Variants in NEK3 observed in about 807,000 individuals in gnomAD.
NEK3 encodes serine/threonine-protein kinase Nek3.
A neutral mutation model predicts 66.0 loss-of-function variants in NEK3; 54 were observed. The ratio of observed to expected loss-of-function variants is 0.82; its 90% CI spans 0.66 to 1.03. NEK3 has a LOEUF of 1.03. NEK3 is among the 50% of genes least tolerant of loss of function. The probability of loss-of-function intolerance (pLI) is 0.00; values close to 1 mark genes in which losing one functional copy is unlikely to be tolerated. For missense variants in NEK3, 593 were observed against 603.0 expected, an observed-to-expected ratio of 0.98 and a Z score of 0.17; for synonymous variants, 200 against 206.2, an observed-to-expected ratio of 0.97 and a Z score of 0.26.
In NEK3 at chr13:52,133,202, G is replaced by T; in HGVS notation, c.1461C>A (p.Asn487Lys). 2 of 1,609,134 alleles carry T rather than the reference G, an allele frequency of 1.2e-6. No individual in the cohort carries two copies. Among genetic ancestry groups the T allele is most frequent in the East Asian group, 4.5e-5 (2 of 44,798 alleles). The change falls in exon 16 of 16, where the codon AAC becomes AAA. Residue 487 changes from asparagine (N) to lysine (K), a missense_variant. Transcript: ENST00000610828. ...TCTTCAGCTCTGACACCCAGTCGGG[G>T]TTGTCATCTTCCTCCTCAAAGTCCC... ...EDTDFEEEDDNPDWVSELKKR... is the reference protein window; with the variant it reads ...EDTDFEEEDDKPDWVSELKKR...
chr13:52,144,866 A>G lies in NEK3; in HGVS notation c.629T>C (p.Leu210Pro). The G allele has an allele frequency of 6.2e-7, 1 of 1,607,510 alleles. No homozygotes were observed. Among genetic ancestry groups the G allele is most frequent in the Non-Finnish European group, 8.5e-7 (1 of 1,176,656 alleles). ...GCACCCTTGACATACTTTGAGGATA[A>G]GATTTTTCCAACTATTTGCCTGAAA... ...HPFQANSWKN[L>P]ILKVCQGCIS... Residue 210 changes from leucine to proline, a missense_variant, in exon 9 of 16, where the codon CTT becomes CCT. Physicochemically the swap from Leu to Pro is moderately conservative, Grantham distance 98. Coordinates refer to ENST00000610828, the MANE Select transcript of NEK3 (RefSeq NM_002498.3).
At chr13:52,143,713 T>C (rs993843808) in intron 10 of NEK3, among the ~76,000 whole-genome samples, 5 of 152,202 alleles carry the variant, frequency 3.3e-5, no homozygotes, top group Non-Finnish European at 5.9e-5. Flanking sequence ...TATCCAAAAC[T>C]AGGCTTTTTT....
At chr13:52,152,743 G>T in intron 4 of NEK3, 51 bp from the exon 5 acceptor site, 3 of 1,175,630 alleles carry the variant, frequency 2.6e-6, no homozygotes, top group Non-Finnish European at 3.8e-6. Context: ...ACTGGCTCAT[G>T]TTAACCTACA....
At chr13:52,152,929 G>C (rs1171839080) in intron 4 of NEK3, among the ~76,000 whole-genome samples, 1 of 152,010 alleles carries the variant, frequency 6.6e-6, no homozygotes, top group Non-Finnish European at 1.5e-5. Context: ...ATTTATTTTA[G>C]TAAAACTTCT....
rs1253525637 is a variant in NEK3, at chr13:52,147,051, T to C, written c.603+1364A>G. On this transcript the variant is annotated intron_variant, in intron 8 of 15. Coordinates refer to ENST00000610828, the MANE Select transcript of NEK3 (RefSeq NM_002498.3). ...ATGGCTGAACAAGCGGGACAAGTTA[T>C]TTAACCTTTTTTTGTTCATATTTTT... 3.3e-5 allele frequency among the ~76,000 whole-genome samples: 5 copies of C among 152,224 alleles called. No homozygotes were observed. In the East Asian group the frequency reaches 9.6e-4, roughly 29 times the overall value.
chr13:52,155,443 G>A (rs558492159), intron 2 of NEK3, among the ~76,000 whole-genome samples: 1 of 152,232 alleles, frequency 6.6e-6, no homozygotes, highest in African/African-American at 2.4e-5. Context: ...TTGCACCTGA[G>A]TTGCTCTGGC....
intron 13 of NEK3, 104 bp from the exon 14 acceptor site, chr13:52,135,967 A>T: frequency 6.7e-7 from 1 of 1,498,568 alleles, no homozygotes; most frequent in Non-Finnish European, 9.1e-7. Context: ...TTGACTGTTA[A>T]CTAAAATCTG....
rs149127324 is a variant in NEK3, at chr13:52,133,058, C to A, written c.*84G>T. 4.7e-5 allele frequency: 49 copies of A among 1,051,724 alleles called. No homozygotes were observed. In the Middle Eastern group the frequency reaches 6.0e-4, roughly 13 times the overall value. 65.1% of individuals were successfully genotyped at this position (1,051,724 alleles called of 1,614,324 possible). A position where few individuals can be genotyped will look rare whatever the true frequency, so the allele number is the denominator to read the frequency against. ...CATTCTGTTTCCAAAGGAAAATATA[C>A]GTCGCATGAACTCATGATCATCTCA... On this transcript the variant is annotated 3_prime_UTR_variant, in exon 16 of 16. Transcript: ENST00000610828.
At position 52,144,673 on chromosome 13, in the gene NEK3, A is replaced by C; in HGVS notation, c.804+18T>G. 6.2e-7 allele frequency: 1 copy of C among 1,610,238 alleles called. No individual in the cohort carries two copies. Among genetic ancestry groups the C allele is most frequent in the Non-Finnish European group, 8.5e-7 (1 of 1,176,654 alleles). The stretch of plus-strand genomic sequence containing the variant: ...TACACTTGAAAACTGTTCACAACCA[A>C]TCCAACACAGATCATACCTCGGGGG... On this transcript the variant is annotated intron_variant, in intron 9 of 15. Transcript: ENST00000610828.
intron 8 of NEK3, among the ~76,000 whole-genome samples, chr13:52,147,057 C>T (rs1001132205): frequency 6.6e-6 from 1 of 152,090 alleles, no homozygotes; most frequent in Non-Finnish European, 1.5e-5. Flanking sequence ...GTTATTTAAC[C>T]TTTTTTTGTT....
intron 8 of NEK3, among the ~76,000 whole-genome samples, chr13:52,147,314 CTTGTACACCATTTG>C (rs1475954752): frequency 2.6e-5 from 4 of 152,062 alleles, no homozygotes; most frequent in African/African-American, 9.7e-5. Context: ...CTAACAGATA[CTTGTACACCATTTG>C]TTCATAACAG....
chr13:52,143,304 G>A (rs1286656339), intron 10 of NEK3, among the ~76,000 whole-genome samples: 15 of 136,898 alleles, frequency 1.1e-4, no homozygotes, highest in Admixed American at 8.4e-4. Context: ...CAACAAGAGT[G>A]AAGCTCCATT....
Position 52,133,114 on chromosome 13 carries a change from G to A in NEK3, c.*28C>T. The stretch of plus-strand genomic sequence containing the variant: ...AACTCCTGAGTGAAGCCTCTCCTCA[G>A]CGTGACTCAGGAACATTTCCTCAGG... On this transcript the variant is annotated 3_prime_UTR_variant, in exon 16 of 16. Transcript: ENST00000610828. The A allele has an allele frequency of 3.2e-6, 5 of 1,572,690 alleles. No individual in the cohort carries two copies. The highest frequency in any genetic ancestry group is 4.3e-6 in the Non-Finnish European group (5 of 1,150,002).
chr13:52,145,767 GAACT>G (rs896533301), intron 8 of NEK3, among the ~76,000 whole-genome samples: 8 of 152,222 alleles, frequency 5.3e-5, no homozygotes, highest in Admixed American at 1.3e-4. Flanking sequence ...AAATATATCA[GAACT>G]AACATTAGAT....
chr13:52,142,886 A>C (rs887827789), intron 10 of NEK3, among the ~76,000 whole-genome samples: 1 of 152,254 alleles, frequency 6.6e-6, no homozygotes, highest in Non-Finnish European at 1.5e-5. Context: ...AATAGCTTTG[A>C]AAAAATTCAG....
chr13:52,133,547 T>C (rs972539381), intron 15 of NEK3, 142 bp downstream of exon 15: 1 of 1,140,706 alleles, frequency 8.8e-7, no homozygotes, highest in Admixed American at 2.9e-5. Context: ...GATATAAATA[T>C]CCATTTATGA....
At chr13:52,134,314 C>T (rs1956183867) in intron 14 of NEK3, among the ~76,000 whole-genome samples, 2 of 151,878 alleles carry the variant, frequency 1.3e-5, no homozygotes, top group East Asian at 3.9e-4. Context: ...CGTGAGCCAC[C>T]ACAGCTAGCC....
intron 15 of NEK3, 74 bp downstream of exon 15, chr13:52,133,615 T>TCA (rs3831081): frequency 0.1 from 129,804 of 1,285,190 alleles, 1,427 homozygotes; most frequent in Middle Eastern, 0.16. Context: ...CTAATTTAAA[T>TCA]CACACACACA....
rs978014686 is a variant in NEK3 at position 52,154,064 on chromosome 13, G to T, written c.211+16C>A. 1 of 1,604,214 alleles carries T rather than the reference G, an allele frequency of 6.2e-7. No homozygotes were observed. Among genetic ancestry groups the T allele is most frequent in the Non-Finnish European group, 8.5e-7 (1 of 1,172,012 alleles). On this transcript the variant is annotated intron_variant, in intron 3 of 15. Transcript: ENST00000610828. ...CAAATTCAGAAATGCACATATCTGG[G>T]GGAATTCGTATTTACCTTCAAATGA...
Sources: gnomAD v4.1 joint callset for allele counts (sites outside exome capture counted in the v4.1 genomes callset) on GRCh38, gnomAD v4.1.1 for gene constraint, MANE v1.5 for transcripts, NCBI Gene and HGNC (gene_info 2026-07-23, HGNC 2026-07-21) for gene names.